The following LRRTM3 variants were observed in gnomAD, a reference collection of about 807,000 sequenced individuals.
LRRTM3 encodes leucine rich repeat transmembrane neuronal 3, also known as leucine-rich repeat transmembrane neuronal protein 3.
In LRRTM3, 24 loss-of-function variants were observed where a neutral mutation model predicts 44.7. The observed-to-expected ratio is 0.54, with a 90% confidence interval of 0.39 to 0.76. The LOEUF (loss-of-function observed/expected upper bound fraction) is 0.76. LRRTM3 is among the 30% of genes least tolerant of loss of function. The pLI, the probability that LRRTM3 is intolerant of heterozygous loss-of-function variation, is 0.00. For synonymous variants in LRRTM3, 277 were observed against 278.7 expected (o/e 0.99, Z 0.06); for missense variants, 587 against 702.2 (o/e 0.84, Z 1.85).
At chr10:66,983,064 A>G (rs775505638) in intron 2 of LRRTM3, among the ~76,000 whole-genome samples, 4 of 152,240 alleles carry the variant, frequency 2.6e-5, no homozygotes, top group African/African-American at 4.8e-5. Context: ...CTGGTCAAGC[A>G]GGGGTTTTTT....
chr10:66,943,315 G>A (rs1848113182), intron 2 of LRRTM3, among the ~76,000 whole-genome samples: 1 of 152,152 alleles, frequency 6.6e-6, no homozygotes, highest in African/African-American at 2.4e-5. Flanking sequence ...TAATGACTTT[G>A]AAGTGTTAAA....
intron 2 of LRRTM3, among the ~76,000 whole-genome samples, chr10:67,042,820 GAGAGTTA>G (rs1437376739): frequency 2.0e-5 from 3 of 152,156 alleles, no homozygotes; most frequent in Non-Finnish European, 2.9e-5. Flanking sequence ...GATAGTCAAC[GAGAGTTA>G]ATTTAGTTCC....
intron 2 of LRRTM3, among the ~76,000 whole-genome samples, chr10:66,929,060 G>T (rs1182685504): frequency 6.6e-6 from 1 of 152,170 alleles, no homozygotes; most frequent in Non-Finnish European, 1.5e-5. Flanking sequence ...TTACAGTAAG[G>T]CAAGCACAGG....
intron 2 of LRRTM3, among the ~76,000 whole-genome samples, chr10:66,928,929 T>C (rs1205594449): frequency 6.6e-6 from 1 of 152,124 alleles, no homozygotes; most frequent in African/African-American, 2.4e-5. Context: ...TATGGGAACA[T>C]TTTACAGACA....
At position 67,016,812 on chromosome 10, in the gene LRRTM3, C is replaced by A. The variant is rs138598656; in HGVS notation, c.1537-80775C>A. On this transcript the variant is annotated intron_variant, in intron 2 of 2. Coordinates refer to ENST00000361320, the MANE Select transcript of LRRTM3 (RefSeq NM_178011.5). ...TGACAATATTTTCCCTCTTTTTTGACTTCTTTGATAATTTTAGTAGACTTT... is the reference window on the plus strand; with the variant it reads ...TGACAATATTTTCCCTCTTTTTTGAATTCTTTGATAATTTTAGTAGACTTT... 5.8e-3 allele frequency among the ~76,000 whole-genome samples: 883 copies of A among 152,176 alleles called. 9 individuals carry two copies. Among genetic ancestry groups the A allele is most frequent in the African/African-American group, 0.02 (841 of 41,532 alleles).
At chr10:67,068,661 A>G (rs1856243950) in intron 2 of LRRTM3, among the ~76,000 whole-genome samples, 1 of 152,228 alleles carries the variant, frequency 6.6e-6, no homozygotes, top group Non-Finnish European at 1.5e-5. Context: ...GAGGGGAGAG[A>G]GTTTTAATAA....
At chr10:67,070,794 G>T (rs1856407135) in intron 2 of LRRTM3, among the ~76,000 whole-genome samples, 1 of 151,696 alleles carries the variant, frequency 6.6e-6, no homozygotes, top group East Asian at 1.9e-4. Flanking sequence ...CCTACTCCAG[G>T]GTTACAAAGA....
rs73315293 is a variant in LRRTM3, at chr10:66,983,607, C to G, written c.1536+55155C>G. 7.4e-3 allele frequency among the ~76,000 whole-genome samples: 1,129 copies of G among 152,200 alleles called. 17 individuals are homozygous for G. The highest frequency in any genetic ancestry group is 0.026 in the African/African-American group (1,076 of 41,510). ...TTATTTTGTACAACATCAAACATAACAAAATTGATAAGGAGATTATTCTGC... is the reference window on the plus strand; with the variant it reads ...TTATTTTGTACAACATCAAACATAAGAAAATTGATAAGGAGATTATTCTGC... On this transcript the variant is annotated intron_variant, in intron 2 of 2. Transcript: ENST00000361320.
chr10:66,938,460 A>G (rs997304338), intron 2 of LRRTM3, among the ~76,000 whole-genome samples: 4 of 152,194 alleles, frequency 2.6e-5, no homozygotes, highest in Non-Finnish European at 5.9e-5. Flanking sequence ...ATTATTAAGA[A>G]AATCATAAGG....
intron 2 of LRRTM3, among the ~76,000 whole-genome samples, chr10:67,012,103 C>G (rs1852375274): frequency 6.6e-6 from 1 of 152,226 alleles, no homozygotes; most frequent in African/African-American, 2.4e-5. Flanking sequence ...AAACACAACT[C>G]TCTCTGGCTC....
At chr10:66,948,943 A>C (rs1039044653) in intron 2 of LRRTM3, among the ~76,000 whole-genome samples, 2 of 152,198 alleles carry the variant, frequency 1.3e-5, no homozygotes, top group Non-Finnish European at 2.9e-5. Flanking sequence ...GAGAACAAAG[A>C]CATAATTCCA....
chr10:66,973,403 G>A (rs1849835433), intron 2 of LRRTM3, among the ~76,000 whole-genome samples: 1 of 152,016 alleles, frequency 6.6e-6, no homozygotes. Context: ...CAAATGACAA[G>A]AACAATCTGA....
chr10:67,080,227 G>A (rs1856979359), intron 2 of LRRTM3, among the ~76,000 whole-genome samples: 2 of 152,138 alleles, frequency 1.3e-5, no homozygotes, highest in Non-Finnish European at 2.9e-5. Flanking sequence ...GCCATTTTCT[G>A]CTGGATTGGG....
Position 66,982,625 on chromosome 10 carries a change from GA to G in LRRTM3, c.1536+54180del, listed in dbSNP as rs1322008851. Reference sequence around the variant, plus strand: ...AAATTAGACAAAGACAATTGAAATAGAAAAAAATTGTTAACCTTGTGAGGTT... The same window carrying G: ...AAATTAGACAAAGACAATTGAAATAGAAAAAATTGTTAACCTTGTGAGGTT... On this transcript the variant is annotated intron_variant, in intron 2 of 2. Coordinates refer to ENST00000361320, the MANE Select transcript of LRRTM3 (RefSeq NM_178011.5). Among the ~76,000 whole-genome samples, 4 of 152,038 alleles carry G rather than the reference GA, an allele frequency of 2.6e-5. No homozygotes were observed. In the East Asian group the frequency reaches 7.7e-4, roughly 29 times the overall value.
chr10:67,042,697 A>G (rs1269846909), intron 2 of LRRTM3, among the ~76,000 whole-genome samples: 1 of 152,104 alleles, frequency 6.6e-6, no homozygotes, highest in East Asian at 1.9e-4. Context: ...TTAGAGGAAA[A>G]AAAAGAGGTG....
At position 67,032,937 on chromosome 10, in the gene LRRTM3, T is replaced by C. The variant is rs1295096190; in HGVS notation, c.1537-64650T>C. Among the ~76,000 whole-genome samples, 2 of 152,190 alleles carry C rather than the reference T, an allele frequency of 1.3e-5. 1 individual carries two copies. The highest frequency in any genetic ancestry group is 4.8e-5 in the African/African-American group (2 of 41,446). ...ATTTAATTTTCAGCACACCATGGAA[T>C]CTGAAGTGATTCAGAATGGCTGGCT... On this transcript the variant is annotated intron_variant, in intron 2 of 2. Coordinates refer to ENST00000361320, the MANE Select transcript of LRRTM3 (RefSeq NM_178011.5).
chr10:67,008,563 C>G (rs1852141183), intron 2 of LRRTM3, among the ~76,000 whole-genome samples: 1 of 152,096 alleles, frequency 6.6e-6, no homozygotes, highest in Non-Finnish European at 1.5e-5. Context: ...CAAGGCAATT[C>G]TCATCGGGGC....
intron 2 of LRRTM3, among the ~76,000 whole-genome samples, chr10:66,942,263 C>A (rs753104484): frequency 3.3e-4 from 50 of 152,062 alleles, no homozygotes; most frequent in Non-Finnish European, 4.7e-4. Context: ...GCCAAGTCTG[C>A]AATATATAAA....
Position 66,926,409 on chromosome 10 carries a change from C to A in LRRTM3, c.-175C>A, listed in dbSNP as rs1249824344. 2.9e-6 allele frequency: 2 copies of A among 695,598 alleles called. No individual in the cohort carries two copies. The highest frequency in any genetic ancestry group is 1.7e-5 in the South Asian group (1 of 57,618). The allele number at this position is 695,598 out of a possible 1,614,324, so 43.1% of individuals were successfully genotyped here. On this transcript the variant is annotated 5_prime_UTR_variant, in exon 1 of 3. It introduces an in-frame stop codon into an upstream open reading frame of the 5' UTR. Transcript: ENST00000361320. ...ATTTATTTGTTCTTGGAGTGTTCTG[C>A]GTGGCTGGCAAAGAATAATGTTCCA...
Sources: allele counts gnomAD v4.1 joint callset (sites outside exome capture counted in the v4.1 genomes callset), GRCh38; gene constraint gnomAD v4.1.1; transcripts MANE v1.5; gene names NCBI Gene and HGNC (gene_info 2026-07-23, HGNC 2026-07-21).